EPS8L2: variants seen among roughly 807,000 people sequenced by gnomAD.
EPS8L2 encodes epidermal growth factor receptor kinase substrate 8-like protein 2.
In EPS8L2, 81 loss-of-function variants were observed where a neutral mutation model predicts 99.4. The observed-to-expected ratio is 0.82, with a 90% CI of 0.68 to 0.98. EPS8L2 has a LOEUF of 0.98. EPS8L2 is among the 50% of genes least tolerant of loss of function. The pLI is 0.00. For synonymous variants in EPS8L2, 509 were observed against 407.3 expected, an observed-to-expected ratio of 1.25 and a Z score of -3.01; for missense variants, 1,155 against 968.8, an observed-to-expected ratio of 1.19 and a Z score of -2.55.
intron 4 of EPS8L2, among the ~76,000 whole-genome samples, chr11:718,670 T>G (rs1054650826): frequency 1.3e-5 from 2 of 149,048 alleles, no homozygotes; most frequent in African/African-American, 5.0e-5. Flanking sequence ...TTTTTTTAAT[T>G]TCTTTTTTTT....
At chr11:713,132 GA>G (rs944885791) in intron 4 of EPS8L2, among the ~76,000 whole-genome samples, 13 of 152,252 alleles carry the variant, frequency 8.5e-5, no homozygotes, top group African/African-American at 3.1e-4. Context: ...AGTCTGGTGG[GA>G]AGTCTCTCCA....
rs1179678048 is a variant in EPS8L2 at position 722,560 on chromosome 11, G to A, written c.1208+11G>A. On this transcript the variant is annotated intron_variant, in intron 13 of 20. Transcript: ENST00000318562. Reference sequence around the variant, plus strand: ...CTGGATGCGGCCCCGGTAGGGCAGGGCAGAGCAGTGCCGGGGCTTCATGGG... The same window carrying A: ...CTGGATGCGGCCCCGGTAGGGCAGGACAGAGCAGTGCCGGGGCTTCATGGG... The A allele has an allele frequency of 1.2e-6, 2 of 1,612,468 alleles. No homozygotes were observed. The highest frequency in any genetic ancestry group is 1.7e-5 in the Admixed American group (1 of 59,990).
intron 4 of EPS8L2, among the ~76,000 whole-genome samples, chr11:713,305 C>A (rs1373836120): frequency 6.6e-6 from 1 of 152,246 alleles, no homozygotes; most frequent in South Asian, 2.1e-4. Flanking sequence ...CCCCATCACT[C>A]CAAACCTGTG....
Position 724,546 on chromosome 11 carries a change from G to C in EPS8L2, c.1455-178G>C. ...TCCACGCAGGGCCCCAAAGCTCTGG[G>C]GCTGTCACAGTTTCCATTCCGGGCT... is the stretch of plus-strand genomic sequence containing the variant. On this transcript the variant is annotated intron_variant, in intron 15 of 20. Coordinates refer to ENST00000318562, the MANE Select transcript of EPS8L2 (RefSeq NM_022772.4). The surrounding 1 kb of genome is among the most constrained non-coding windows in gnomAD (Gnocchi z 5.5). 1 of 606,436 alleles carries C rather than the reference G, an allele frequency of 1.6e-6. No individual in the cohort carries two copies. The highest frequency in any genetic ancestry group is 2.9e-6 in the Non-Finnish European group (1 of 339,042). The allele number at this position is 606,436 out of a possible 1,614,324, so 37.6% of individuals were successfully genotyped here. A position where few individuals can be genotyped will look rare whatever the true frequency, so the allele number is the denominator to read the frequency against.
intron 15 of EPS8L2, among the ~76,000 whole-genome samples, 197 bp downstream of exon 15, chr11:723,550 C>T (rs1333606727): frequency 6.6e-6 from 1 of 152,220 alleles, no homozygotes; most frequent in African/African-American, 2.4e-5. Flanking sequence ...AAAAGTCATG[C>T]ACAAATTCTC....
intron 16 of EPS8L2, 45 bp from the exon 17 acceptor site, chr11:725,683 C>T (rs1489012665): frequency 1.5e-6 from 2 of 1,294,458 alleles, no homozygotes; most frequent in Admixed American, 8.2e-5. Context: ...GGTCCCAGCC[C>T]CGCAGAGCCT....
At chr11:725,583 T>G (rs913468453) in intron 16 of EPS8L2, 145 bp from the exon 17 acceptor site, 1 of 734,524 alleles carries the variant, frequency 1.4e-6, no homozygotes, top group South Asian at 6.8e-5. Flanking sequence ...GATGGAGGGG[T>G]GGAAACAGGG....
At chr11:720,332 C>A in intron 5 of EPS8L2, 109 bp downstream of exon 5, 1 of 1,251,212 alleles carries the variant, frequency 8.0e-7, no homozygotes, top group Non-Finnish European at 1.1e-6. Flanking sequence ...CCGGCCATGC[C>A]CTATCATTCT....
rs147871566 is a variant in EPS8L2, at chr11:726,946, C to A, written c.2113C>A (p.His705Asn). The change falls in exon 21 of 21, where the codon CAT (histidine) becomes AAT (asparagine). Residue 705 changes from histidine to asparagine, a missense_variant. By Grantham distance (68) the His-to-Asn change is moderately conservative. Coordinates refer to ENST00000318562, the MANE Select transcript of EPS8L2 (RefSeq NM_022772.4). ...SELEELMNKF[H>N]SMNQRRGEDS ...GCTGGAAGAACTCATGAACAAGTTT[C>A]ATTCCATGAATCAGAGGAGGGGGGA... The A allele has an allele frequency of 6.2e-7, 1 of 1,613,456 alleles. No individual in the cohort carries two copies. The highest frequency in any genetic ancestry group is 8.5e-7 in the Non-Finnish European group (1 of 1,179,918).
In EPS8L2 at chr11:726,121, C is replaced by T. The variant is rs1305946221; in HGVS notation, c.1704C>T (p.Pro568=). ...AGGCCGGTCAGAAGTACTGGGGCCC[C>T]GCCAGCCCGACCCACAAGCTACCCC... ...FEQAGQKYWG[P]ASPTHKLPPS... The change falls in exon 18 of 21, where the codon CCC becomes CCT. Residue 568 remains proline (P), a synonymous_variant. Transcript: ENST00000318562. 6.2e-6 allele frequency: 10 copies of T among 1,606,632 alleles called. No homozygotes were observed. Among genetic ancestry groups the T allele is most frequent in the Non-Finnish European group, 8.5e-6 (10 of 1,176,944 alleles).
intron 1 of EPS8L2, among the ~76,000 whole-genome samples, chr11:708,319 C>T (rs1861786414): frequency 6.6e-6 from 1 of 152,206 alleles, no homozygotes; most frequent in Non-Finnish European, 1.5e-5. Flanking sequence ...TGTCCATCCC[C>T]CCGGGAAGCC....
chr11:709,253 G>C (rs1240503088), intron 1 of EPS8L2, 77 bp from the exon 2 acceptor site: 1 of 908,090 alleles, frequency 1.1e-6, no homozygotes, highest in Non-Finnish European at 1.7e-6. Context: ...AGGCCAGTCA[G>C]GGATCTGGCC....
chr11:710,365 G>A, intron 3 of EPS8L2, 57 bp from the exon 4 acceptor site: 1 of 1,555,128 alleles, frequency 6.4e-7, no homozygotes. Context: ...AGTCCCAACT[G>A]GACGGGAGGC....
intron 4 of EPS8L2, among the ~76,000 whole-genome samples, chr11:713,423 C>G (rs1861938551): frequency 1.3e-5 from 2 of 152,220 alleles, no homozygotes; most frequent in Non-Finnish European, 2.9e-5. Context: ...GCTCTGTCAC[C>G]CAGGCTGGAG....
rs1216016086 is a variant in EPS8L2 at position 720,826 on chromosome 11, C to G, written c.478-4C>G. 5.8e-6 allele frequency: 9 copies of G among 1,542,798 alleles called. No homozygotes were observed. The highest frequency in any genetic ancestry group is 7.9e-6 in the Non-Finnish European group (9 of 1,145,910). ...TCCTGGCCGCCTGACGCCCGCTTTC[C>G]CAGGCAGAGCTGGTGCACGAGGACA... On this transcript the variant is annotated splice_polypyrimidine_tract_variant and splice_region_variant and intron_variant, in intron 6 of 20. Coordinates refer to ENST00000318562, the MANE Select transcript of EPS8L2 (RefSeq NM_022772.4).
chr11:715,141 C>T (rs1271496687), intron 4 of EPS8L2, among the ~76,000 whole-genome samples: 1 of 151,852 alleles, frequency 6.6e-6, no homozygotes, highest in Admixed American at 6.6e-5. Context: ...ACTCGGGAGG[C>T]TGAGGCAGGA....
chr11:710,204 C>T, intron 3 of EPS8L2: 3 of 559,502 alleles, frequency 5.4e-6, no homozygotes, highest in Non-Finnish European at 6.4e-6. Flanking sequence ...CCATCGCCTT[C>T]TCCGAGCTGC....
Position 722,482 on chromosome 11 carries a change from C to T in EPS8L2, c.1141C>T (p.Arg381Cys), listed in dbSNP as rs377264227. Reference protein sequence around the residue: ...LLSRDAVDFLRGHLVPKEMSL... With the variant: ...LLSRDAVDFLCGHLVPKEMSL... ...CTCCCGAGATGCCGTGGACTTCCTGCGCGGCCACCTGGTCCCTAAGGAGAT... is the reference window on the plus strand; with the variant it reads ...CTCCCGAGATGCCGTGGACTTCCTGTGCGGCCACCTGGTCCCTAAGGAGAT... The change falls in exon 13 of 21, where the codon CGC becomes TGC. Residue 381 changes from arginine to cysteine, a missense_variant. Coordinates refer to ENST00000318562, the MANE Select transcript of EPS8L2 (RefSeq NM_022772.4). The T allele has an allele frequency of 1.4e-5, 23 of 1,613,362 alleles. No individual in the cohort carries two copies. In the East Asian group the frequency reaches 2.0e-4, roughly 14 times the overall value.
At chr11:720,534 G>A (rs1378116760) in intron 5 of EPS8L2, 63 bp from the exon 6 acceptor site, 2 of 1,555,010 alleles carry the variant, frequency 1.3e-6, no homozygotes, top group Non-Finnish European at 8.7e-7. Flanking sequence ...CACAGCTCCG[G>A]CCACTCCCTG....
Sources: allele counts gnomAD v4.1 joint callset (sites outside exome capture counted in the v4.1 genomes callset), GRCh38; gene constraint gnomAD v4.1.1; non-coding constraint Gnocchi (gnomAD v3.1); transcripts MANE v1.5; gene names NCBI Gene and HGNC (gene_info 2026-07-23, HGNC 2026-07-21).